SSPN: variants seen among roughly 807,000 people sequenced by gnomAD.
The protein encoded by SSPN is K-ras oncogene-associated protein.
Under a neutral mutation model 19.1 loss-of-function variants are expected in SSPN, and 15 were observed. The observed-to-expected ratio is 0.78, with a 90% CI of 0.52 to 1.21. The LOEUF (loss-of-function observed/expected upper bound fraction) is 1.21, where lower values mean the gene tolerates loss of function less well. SSPN is among the 50% of genes most tolerant of loss of function. The pLI, the probability that SSPN is intolerant of heterozygous loss-of-function variation, is 0.00. For missense variants in SSPN, 291 were observed against 314.0 expected, an observed-to-expected ratio of 0.93 and a Z score of 0.55; for synonymous variants, 147 against 140.3, an observed-to-expected ratio of 1.05 and a Z score of -0.34.
At chr12:26,228,168 G>A (rs1483610700) in intron 2 of SSPN, among the ~76,000 whole-genome samples, 2 of 152,088 alleles carry the variant, frequency 1.3e-5, no homozygotes, top group Admixed American at 1.3e-4. Context: ...GGCTGAGTCA[G>A]GAGGATCACT....
intron 1 of SSPN, among the ~76,000 whole-genome samples, chr12:26,148,430 A>AAG: frequency 6.6e-6 from 1 of 152,242 alleles, no homozygotes; most frequent in African/African-American, 2.4e-5. Context: ...ATGCTTTAGA[A>AAG]CTGAATTTTT....
intron 1 of SSPN, among the ~76,000 whole-genome samples, chr12:26,134,007 C>T (rs1036226316): frequency 1.3e-5 from 2 of 152,136 alleles, no homozygotes; most frequent in African/African-American, 4.8e-5. Flanking sequence ...TTTTTCTGTT[C>T]GTGTCATTCT....
intron 2 of SSPN, among the ~76,000 whole-genome samples, 165 bp from the exon 3 acceptor site, chr12:26,230,546 T>C (rs774322829): frequency 3.9e-5 from 6 of 152,202 alleles, no homozygotes; most frequent in Admixed American, 6.5e-5. Flanking sequence ...TAAATAAACA[T>C]GGAGCTATTT....
In SSPN at chr12:26,232,571, A is replaced by T; in HGVS notation, c.*1495A>T. ...TTTACTAATCATGAAATTCTAACCT[A>T]AAAGGAAAACATTTTCCTGCTTGTC... On this transcript the variant is annotated 3_prime_UTR_variant, in exon 3 of 3. Transcript: ENST00000242729. The T allele has an allele frequency of 1.0e-6, 1 of 985,432 alleles. No homozygotes were observed. The highest frequency in any genetic ancestry group is 1.7e-5 in the African/African-American group (1 of 57,364). 61.0% of individuals were successfully genotyped at this position (985,432 alleles called of 1,614,324 possible). A position where few individuals can be genotyped will look rare whatever the true frequency, so the allele number is the denominator to read the frequency against.
chr12:26,224,704 A>G (rs1041832538), intron 2 of SSPN, among the ~76,000 whole-genome samples: 4 of 151,808 alleles, frequency 2.6e-5, no homozygotes, highest in African/African-American at 4.8e-5. Context: ...GCCCACTTCC[A>G]TATCTCGGGG....
intron 1 of SSPN, among the ~76,000 whole-genome samples, chr12:26,221,311 C>T (rs1945118136): frequency 6.6e-6 from 1 of 152,218 alleles, no homozygotes; most frequent in African/African-American, 2.4e-5. Context: ...GTCATTCCTT[C>T]TGGGTATTCC....
chr12:26,226,432 A>T (rs987288545), intron 2 of SSPN, among the ~76,000 whole-genome samples: 1 of 152,114 alleles, frequency 6.6e-6, no homozygotes, highest in Non-Finnish European at 1.5e-5. Context: ...CCATGATGAC[A>T]GTCTCATTGT....
Position 26,195,788 on chromosome 12 carries a change from G to A in SSPN, c.116G>A (p.Cys39Tyr). 2.0e-6 allele frequency: 3 copies of A among 1,525,748 alleles called. No homozygotes were observed. Among genetic ancestry groups the A allele is most frequent in the Non-Finnish European group, 2.6e-6 (3 of 1,139,638 alleles). The allele number at this position is 1,525,748 out of a possible 1,614,324, so 94.5% of individuals were successfully genotyped here. ...PKKGTGAPKE[C>Y]GEEEPRTCCG... ...AAGGGCACGGGGGCCCCCAAGGAGT[G>A]CGGGGAGGAGGAGCCCCGGACCTGC... Residue 39 changes from cysteine to tyrosine, a missense_variant, in exon 1 of 3, where the codon TGC becomes TAC. Cys to Tyr is a radical substitution (Grantham distance 194, BLOSUM62 -2). Around this residue, in one of 3 missense-constraint regions of SSPN, gnomAD observed 139 missense variants for 119.6 expected, o/e 1.16. Coordinates refer to ENST00000242729, the MANE Select transcript of SSPN (RefSeq NM_005086.5).
chr12:26,209,284 A>C (rs1451623696), intron 1 of SSPN, among the ~76,000 whole-genome samples: 1 of 152,028 alleles, frequency 6.6e-6, no homozygotes, highest in African/African-American at 2.4e-5. Flanking sequence ...ATTTGATTAG[A>C]CTTATTTTGT....
At chr12:26,202,433 A>G (rs969358710) in intron 1 of SSPN, among the ~76,000 whole-genome samples, 2 of 152,204 alleles carry the variant, frequency 1.3e-5, no homozygotes, top group African/African-American at 4.8e-5. Context: ...TAGATTTTTT[A>G]TTTCATGTTA....
intron 1 of SSPN, among the ~76,000 whole-genome samples, chr12:26,171,973 A>G (rs1038491857): frequency 3.3e-5 from 5 of 152,262 alleles, no homozygotes; most frequent in Admixed American, 6.5e-5. Context: ...CACTGATAGC[A>G]GTGAGAGGAT....
At chr12:26,153,006 C>T (rs1944534712) in intron 1 of SSPN, among the ~76,000 whole-genome samples, 2 of 152,206 alleles carry the variant, frequency 1.3e-5, no homozygotes, top group African/African-American at 4.8e-5. Context: ...GTGCTCTTCC[C>T]CCACAGCATT....
intron 1 of SSPN, chr12:26,211,581 A>G (rs1944986633): frequency 6.6e-6 from 1 of 152,200 alleles, no homozygotes. Flanking sequence ...TATATCCATA[A>G]GATTTGGGGG....
chr12:26,122,833 C>T lies in SSPN; in HGVS notation c.-31+681C>T, dbSNP rs779148522. Reference sequence around the variant, plus strand: ...GTGTCGTTCTCGGCGGCGAGCTCGGCGCTGGGCTGAGTCCGCTGGATGACG... The same window carrying T: ...GTGTCGTTCTCGGCGGCGAGCTCGGTGCTGGGCTGAGTCCGCTGGATGACG... On this transcript the variant is annotated intron_variant, in intron 1 of 2. Coordinates refer to the SSPN transcript ENST00000538142. 19 of 1,582,146 alleles carry T rather than the reference C, an allele frequency of 1.2e-5. No homozygotes were observed. In the Admixed American group the frequency reaches 3.0e-4, roughly 25 times the overall value.
At position 26,232,905 on chromosome 12, in the gene SSPN, G is replaced by A; in HGVS notation, c.*1829G>A. 7.3e-6 allele frequency: 1 copy of A among 137,136 alleles called. No homozygotes were observed. The allele number at this position is 137,136 out of a possible 1,614,324, so 8.5% of individuals were successfully genotyped here. The stretch of plus-strand genomic sequence containing the variant: ...CCAACAGAATACCAAGCAGAATGAT[G>A]AGGACCTGTAAAATACCTTGTGCCC... On this transcript the variant is annotated 3_prime_UTR_variant, in exon 3 of 3. Coordinates refer to ENST00000242729, the MANE Select transcript of SSPN (RefSeq NM_005086.5).
chr12:26,129,250 G>C (rs2620696), intron 1 of SSPN, among the ~76,000 whole-genome samples: 149,218 of 152,298 alleles, frequency 0.98, 73,162 homozygotes, highest in East Asian at 1. Flanking sequence ...CTGTTTTACA[G>C]AGCGGACAAG....
intron 1 of SSPN, among the ~76,000 whole-genome samples, chr12:26,169,719 G>A (rs2137431768): frequency 6.6e-6 from 1 of 152,264 alleles, no homozygotes; most frequent in East Asian, 1.9e-4. Context: ...TGGCCCTTCT[G>A]ATCCAAGGAA....
At chr12:26,122,059 C>T (rs1174552585) in exon 1 of SSPN, 1 of 1,549,476 alleles carries the variant, frequency 6.5e-7, no homozygotes, top group South Asian at 1.2e-5. Context: ...CTTCGGGACG[C>T]AAGGATTCAG....
At chr12:26,153,001 C>T (rs1944534695) in intron 1 of SSPN, among the ~76,000 whole-genome samples, 1 of 152,210 alleles carries the variant, frequency 6.6e-6, no homozygotes, top group South Asian at 2.1e-4. Flanking sequence ...CAGGAGTGCT[C>T]TTCCCCCACA....
Sources: allele counts gnomAD v4.1 joint callset (sites outside exome capture counted in the v4.1 genomes callset), GRCh38; gene constraint gnomAD v4.1.1; regional missense constraint gnomAD v4.1.1; transcripts MANE v1.5; gene names NCBI Gene and HGNC (gene_info 2026-07-23, HGNC 2026-07-21).